Variants in ITFG1 observed in about 807,000 individuals in gnomAD.
ITFG1 encodes T-cell immunomodulatory protein.
ITFG1 carries 34 observed loss-of-function variants against 81.8 expected under a neutral mutation model. The observed-to-expected ratio is 0.42, with a 90% CI of 0.32 to 0.55. The LOEUF (loss-of-function observed/expected upper bound fraction) is 0.55. ITFG1 is among the 20% of genes least tolerant of loss of function. The pLI, the probability that ITFG1 is intolerant of heterozygous loss-of-function variation, is 0.17. For missense variants in ITFG1, 672 were observed against 755.4 expected (o/e 0.89, Z 1.29); for synonymous variants, 285 against 270.6 (o/e 1.05, Z -0.52).
intron 13 of ITFG1, 106 bp from the exon 14 acceptor site, chr16:47,219,052 A>G (rs1965660260): frequency 1.8e-6 from 1 of 560,214 alleles, no homozygotes; most frequent in Non-Finnish European, 3.0e-6. Context: ...GATGACAGTT[A>G]CTTAGAGACC....
At chr16:47,363,609 A>G (rs1384921949) in intron 8 of ITFG1, among the ~76,000 whole-genome samples, 2 of 152,234 alleles carry the variant, frequency 1.3e-5, no homozygotes, top group Non-Finnish European at 2.9e-5. Context: ...CAAAAGTTCT[A>G]TGATAAAAAT....
intron 8 of ITFG1, among the ~76,000 whole-genome samples, chr16:47,352,837 C>T (rs370801269): frequency 5.3e-5 from 8 of 151,990 alleles, no homozygotes; most frequent in South Asian, 2.1e-4. Flanking sequence ...GACTGGATTA[C>T]GAAAATGTGG....
In ITFG1 at chr16:47,376,964, C is replaced by CAAAAAAAAAA. The variant is rs1222007051; in HGVS notation, c.656-1034_656-1025dup. Among the ~76,000 whole-genome samples, 10 of 18,074 alleles carry CAAAAAAAAAA rather than the reference C, an allele frequency of 5.5e-4. 5 individuals are homozygous for CAAAAAAAAAA. Among genetic ancestry groups the CAAAAAAAAAA allele is most frequent in the South Asian group, 5.6e-3 (2 of 360 alleles). The allele number at this position is 18,074 out of a possible 152,430, so 11.9% of individuals were successfully genotyped here. A position where few individuals can be genotyped will look rare whatever the true frequency, so the allele number is the denominator to read the frequency against. ...GAGACAGAGGGAGACTCTGTCTCCC[C>CAAAAAAAAAA]AAAAAAAAAAAAAAAAAAAAAAAAA... On this transcript the variant is annotated intron_variant, in intron 6 of 17. Coordinates refer to ENST00000320640, the MANE Select transcript of ITFG1 (RefSeq NM_030790.5).
chr16:47,237,203 A>G (rs1965886877), intron 13 of ITFG1, among the ~76,000 whole-genome samples: 1 of 152,246 alleles, frequency 6.6e-6, no homozygotes, highest in Non-Finnish European at 1.5e-5. Flanking sequence ...CCAACTATAC[A>G]TAAAATATTG....
intron 10 of ITFG1, among the ~76,000 whole-genome samples, chr16:47,267,874 G>T (rs1012335669): frequency 3.3e-5 from 5 of 152,028 alleles, no homozygotes; most frequent in African/African-American, 1.2e-4. Flanking sequence ...AAGATTTGTT[G>T]TATGTCACTA....
intron 13 of ITFG1, among the ~76,000 whole-genome samples, chr16:47,227,946 G>C (rs1965774917): frequency 6.6e-6 from 1 of 152,022 alleles, no homozygotes; most frequent in South Asian, 2.1e-4. Context: ...ATTAACGTTA[G>C]CTGTAATGCC....
intron 10 of ITFG1, among the ~76,000 whole-genome samples, chr16:47,303,329 G>A (rs1967107110): frequency 6.6e-6 from 1 of 152,034 alleles, no homozygotes; most frequent in Admixed American, 6.6e-5. Flanking sequence ...TTTCCGTATA[G>A]TATATATTCT....
At chr16:47,300,562 G>A (rs1040606614) in intron 10 of ITFG1, among the ~76,000 whole-genome samples, 5 of 152,166 alleles carry the variant, frequency 3.3e-5, no homozygotes, top group African/African-American at 1.2e-4. Flanking sequence ...ACTGTTACTT[G>A]GTGGTAAAAT....
chr16:47,292,174 C>G (rs965020186), intron 10 of ITFG1, among the ~76,000 whole-genome samples: 4 of 152,046 alleles, frequency 2.6e-5, no homozygotes, highest in African/African-American at 9.7e-5. Flanking sequence ...CCACCACACC[C>G]AGCTAAGTTT....
chr16:47,250,863 TGCGGCAGCTGAGA>T, intron 12 of ITFG1, among the ~76,000 whole-genome samples: 1 of 152,164 alleles, frequency 6.6e-6, no homozygotes. Context: ...AGCTCAGAGC[TGCGGCAGCTGAGA>T]GGGGAAACAT....
At chr16:47,277,942 G>C (rs1205347363) in intron 10 of ITFG1, among the ~76,000 whole-genome samples, 1 of 152,100 alleles carries the variant, frequency 6.6e-6, no homozygotes, top group Non-Finnish European at 1.5e-5. Flanking sequence ...CCCATAATCA[G>C]AACAAATATC....
intron 6 of ITFG1, among the ~76,000 whole-genome samples, chr16:47,394,370 T>C (rs111342989): frequency 2.0e-5 from 3 of 152,308 alleles, no homozygotes; most frequent in Admixed American, 6.5e-5. Context: ...CCCTCAACCT[T>C]AGCTCACTTT....
intron 14 of ITFG1, among the ~76,000 whole-genome samples, chr16:47,201,571 T>A (rs1317156618): frequency 1.3e-5 from 2 of 152,188 alleles, no homozygotes; most frequent in African/African-American, 4.8e-5. Context: ...TATATTTGTA[T>A]CAAATCCTTA....
intron 10 of ITFG1, among the ~76,000 whole-genome samples, chr16:47,287,513 G>C (rs1320414047): frequency 3.3e-5 from 5 of 152,018 alleles, no homozygotes; most frequent in African/African-American, 1.2e-4. Flanking sequence ...CGATCCTCCT[G>C]CCTTAACCTC....
chr16:47,247,225 C>G (rs1359600936), intron 12 of ITFG1, among the ~76,000 whole-genome samples: 1 of 151,824 alleles, frequency 6.6e-6, no homozygotes, highest in Non-Finnish European at 1.5e-5. Flanking sequence ...AATTTTTATT[C>G]TCATTTTTTC....
Position 47,437,705 on chromosome 16 carries a change from G to A in ITFG1, c.561-8807C>T, listed in dbSNP as rs145222541. 7.5e-3 allele frequency among the ~76,000 whole-genome samples: 1,141 copies of A among 152,224 alleles called. 19 individuals are homozygous for A. Among genetic ancestry groups the A allele is most frequent in the African/African-American group, 0.026 (1,081 of 41,554 alleles). On this transcript the variant is annotated intron_variant, in intron 5 of 17. Transcript: ENST00000320640. ...TGAAATGTTCCATAATAAAATGTAA[G>A]GAGTTGGGGTTGGAGCCAAGATGGC... is the stretch of plus-strand genomic sequence containing the variant.
At chr16:47,255,959 A>C (rs1966133781) in intron 12 of ITFG1, among the ~76,000 whole-genome samples, 1 of 152,026 alleles carries the variant, frequency 6.6e-6, no homozygotes, top group Non-Finnish European at 1.5e-5. Flanking sequence ...AGGTAAAATA[A>C]CTGATTTTAT....
At chr16:47,261,736 A>G (rs930355077) in intron 10 of ITFG1, among the ~76,000 whole-genome samples, 2 of 152,140 alleles carry the variant, frequency 1.3e-5, no homozygotes, top group East Asian at 1.9e-4. Flanking sequence ...CAGTGGTGCA[A>G]TCTCGCCTCA....
chr16:47,207,629 A>C (rs960056973), intron 14 of ITFG1, among the ~76,000 whole-genome samples: 1 of 152,198 alleles, frequency 6.6e-6, no homozygotes, highest in African/African-American at 2.4e-5. Context: ...AATGCAGGGC[A>C]GCAAAGGGGC....
Sources: gnomAD v4.1 joint callset for allele counts (sites outside exome capture counted in the v4.1 genomes callset) on GRCh38, gnomAD v4.1.1 for gene constraint, MANE v1.5 for transcripts, NCBI Gene and HGNC (gene_info 2026-07-23, HGNC 2026-07-21) for gene names.